The following SGCD variants were observed in gnomAD, a reference collection of about 807,000 sequenced individuals.
SGCD encodes the protein sarcoglycan delta.
Under a neutral mutation model 36.6 loss-of-function variants are expected in SGCD, and 18 were observed. The ratio of observed to expected loss-of-function variants is 0.49; its 90% confidence interval spans 0.34 to 0.73. The LOEUF (loss-of-function observed/expected upper bound fraction) is 0.73. SGCD is among the 30% of genes least tolerant of loss of function. The pLI is 0.01. For synonymous variants in SGCD, 133 were observed against 130.6 expected, an observed-to-expected ratio of 1.02 and a Z score of -0.12; for missense variants, 387 against 346.7, an observed-to-expected ratio of 1.12 and a Z score of -0.92.
intron 1 of SGCD, among the ~76,000 whole-genome samples, chr5:156,328,460 C>G (rs1767914627): frequency 6.6e-6 from 1 of 152,134 alleles, no homozygotes. Context: ...TCTGTGACAA[C>G]AGGTGTGCAT....
intron 4 of SGCD, among the ~76,000 whole-genome samples, chr5:156,566,820 C>T (rs1759498068): frequency 6.6e-6 from 1 of 152,028 alleles, no homozygotes; most frequent in Non-Finnish European, 1.5e-5. Context: ...TAAAATGAGA[C>T]ATTATCTTTA....
chr5:155,753,000 A>G, the SGCD span, among the ~76,000 whole-genome samples: 2 of 152,136 alleles, frequency 1.3e-5, no homozygotes, highest in Non-Finnish European at 2.9e-5. Flanking sequence ...GCTAACTCCT[A>G]AAGAGTAGTG....
intron 3 of SGCD, among the ~76,000 whole-genome samples, chr5:156,237,845 A>G (rs1170822717): frequency 1.3e-5 from 2 of 152,198 alleles, no homozygotes; most frequent in Admixed American, 6.5e-5. Context: ...GATACAGGAT[A>G]CAAGAGTCAC....
In SGCD at chr5:156,688,426, C is replaced by T. The variant is rs147322761; in HGVS notation, c.575+40890C>T. Reference sequence around the variant, plus strand: ...CTTCATAATAACCAAGCAGCAGCTACTCCACCTGCCCTCTTACTTAAGGGT... The same window carrying T: ...CTTCATAATAACCAAGCAGCAGCTATTCCACCTGCCCTCTTACTTAAGGGT... On this transcript the variant is annotated intron_variant, in intron 7 of 8. Coordinates refer to ENST00000337851, the MANE Select transcript of SGCD (RefSeq NM_000337.6). 2.3e-3 allele frequency among the ~76,000 whole-genome samples: 345 copies of T among 152,304 alleles called. 6 individuals are homozygous for T. The highest frequency in any genetic ancestry group is 1.5e-3 in the Non-Finnish European group (99 of 68,032).
intron 3 of SGCD, among the ~76,000 whole-genome samples, chr5:156,152,896 T>G (rs568504971): frequency 0.013 from 1,968 of 151,748 alleles, 84 homozygotes; most frequent in African/African-American, 0.035. Flanking sequence ...GCTTCTTTTC[T>G]TCTATTCACC....
the SGCD span, among the ~76,000 whole-genome samples, chr5:155,812,907 A>C: frequency 6.6e-6 from 1 of 152,204 alleles, no homozygotes; most frequent in African/African-American, 2.4e-5. Flanking sequence ...GCATCACTGC[A>C]GTTGTGTTTT....
At chr5:156,486,527 G>A (rs1189504536) in intron 3 of SGCD, among the ~76,000 whole-genome samples, 1 of 152,042 alleles carries the variant, frequency 6.6e-6, no homozygotes, top group Non-Finnish European at 1.5e-5. Flanking sequence ...ACCCCTGCTA[G>A]TGCCCATCTG....
intron 3 of SGCD, among the ~76,000 whole-genome samples, chr5:156,238,100 C>A (rs1236137009): frequency 6.6e-6 from 1 of 151,972 alleles, no homozygotes; most frequent in African/African-American, 2.4e-5. Flanking sequence ...TATGCACCAC[C>A]ACACCAGGCT....
intron 1 of SGCD, among the ~76,000 whole-genome samples, chr5:155,888,311 G>C (rs1160764911): frequency 1.3e-5 from 2 of 152,132 alleles, no homozygotes; most frequent in African/African-American, 4.8e-5. Flanking sequence ...GAAATGTATT[G>C]GTCCTTCATG....
chr5:156,755,381 G>A (rs1183641381), intron 7 of SGCD, among the ~76,000 whole-genome samples: 1 of 152,178 alleles, frequency 6.6e-6, no homozygotes, highest in Non-Finnish European at 1.5e-5. Flanking sequence ...GGAAACAGAA[G>A]CAGTTAGAAA....
chr5:156,370,328 GGGA>G (rs757596735), intron 3 of SGCD, among the ~76,000 whole-genome samples: 1 of 152,106 alleles, frequency 6.6e-6, no homozygotes, highest in Non-Finnish European at 1.5e-5. Context: ...CTGTGGAAGA[GGGA>G]GGAGAATTCC....
At position 156,048,345 on chromosome 5, in the gene SGCD, A is replaced by G. The variant is rs866147972; in HGVS notation, c.-281-69533A>G. Reference sequence around the variant, plus strand: ...TCCTTTGGGTATATACCCAGTAATGAGATGGCTGGGTCAAATGGTATTTCT... The same window carrying G: ...TCCTTTGGGTATATACCCAGTAATGGGATGGCTGGGTCAAATGGTATTTCT... On this transcript the variant is annotated intron_variant, in intron 1 of 9. Transcript: ENST00000517913. 2.1e-3 allele frequency among the ~76,000 whole-genome samples: 317 copies of G among 151,948 alleles called. 4 individuals carry two copies. Among genetic ancestry groups the G allele is most frequent in the South Asian group, 0.02 (96 of 4,820 alleles).
chr5:156,490,180 G>A (rs554421351), intron 3 of SGCD, among the ~76,000 whole-genome samples: 3 of 151,896 alleles, frequency 2.0e-5, no homozygotes, highest in South Asian at 2.1e-4. Flanking sequence ...AAACACGAAC[G>A]GAACAAAAAT....
At chr5:155,976,095 T>C (rs1758108452) in intron 1 of SGCD, among the ~76,000 whole-genome samples, 2 of 152,170 alleles carry the variant, frequency 1.3e-5, no homozygotes, top group Admixed American at 1.3e-4. Context: ...TTTATGGACA[T>C]TTATATATGC....
rs111813786 is a variant in SGCD, at chr5:156,597,549, A to G, written c.502+2498A>G. Among the ~76,000 whole-genome samples, 503 of 152,266 alleles carry G rather than the reference A, an allele frequency of 3.3e-3. 8 individuals are homozygous for G. The highest frequency in any genetic ancestry group is 0.03 in the Admixed American group (458 of 15,290). On this transcript the variant is annotated intron_variant, in intron 6 of 8. Transcript: ENST00000337851. ...GGAAAAAACCCACCCCTATGATTCA[A>G]TTATCTCCAACTGGGTTCATGGGAC...
At chr5:156,113,429 C>T (rs1761836682) in intron 1 of SGCD, among the ~76,000 whole-genome samples, 1 of 152,102 alleles carries the variant, frequency 6.6e-6, no homozygotes, top group Non-Finnish European at 1.5e-5. Context: ...CTACAAAATT[C>T]CTGACCTCAG....
chr5:155,827,519 C>CTTTTCTGTTTG, the SGCD span, among the ~76,000 whole-genome samples: 1 of 151,960 alleles, frequency 6.6e-6, no homozygotes, highest in Non-Finnish European at 1.5e-5. Context: ...GAAAAGCACG[C>CTTTTCTGTTTG]TTTTCTGTTT....
At chr5:156,687,931 T>C (rs1308535013) in intron 7 of SGCD, among the ~76,000 whole-genome samples, 1 of 152,150 alleles carries the variant, frequency 6.6e-6, no homozygotes, top group Non-Finnish European at 1.5e-5. Flanking sequence ...TCAGCTATTC[T>C]AGGAAGCATG....
chr5:156,265,129 A>G lies in SGCD; in HGVS notation c.-43-64405A>G, dbSNP rs534264000. Among the ~76,000 whole-genome samples, 11 of 152,212 alleles carry G rather than the reference A, an allele frequency of 7.2e-5. No individual in the cohort carries two copies. In the East Asian group the frequency reaches 1.9e-3, roughly 27 times the overall value. On this transcript the variant is annotated intron_variant, in intron 3 of 9. Transcript: ENST00000517913. ...TTTACCACTGAAGGCAATAGAAACA[A>G]TGGCTCTGCATCAGTCTCTGCATTC...
Sources: gnomAD v4.1 joint callset for allele counts (sites outside exome capture counted in the v4.1 genomes callset) on GRCh38, gnomAD v4.1.1 for gene constraint, MANE v1.5 for transcripts, NCBI Gene and HGNC (gene_info 2026-07-23, HGNC 2026-07-21) for gene names.